Variants in SLC24A2 observed in about 807,000 individuals in gnomAD.
SLC24A2 encodes the protein solute carrier family 24 member 2.
SLC24A2 carries 36 observed loss-of-function variants against 62.0 expected under a neutral mutation model. The ratio of observed to expected loss-of-function variants is 0.58; its 90% CI spans 0.44 to 0.77. The LOEUF (loss-of-function observed/expected upper bound fraction) is 0.77, where lower values mean the gene tolerates loss of function less well. SLC24A2 is among the 30% of genes least tolerant of loss of function. The probability of loss-of-function intolerance (pLI) is 0.00; values close to 1 mark genes in which losing one functional copy is unlikely to be tolerated. For synonymous variants in SLC24A2, 358 were observed against 294.0 expected (o/e 1.22, Z -2.23); for missense variants, 846 against 817.9 (o/e 1.03, Z -0.42).
chr9:19,947,808 A>AAAAAAAAAGAAAGAAAG, the SLC24A2 span, among the ~76,000 whole-genome samples: 1 of 59,226 alleles, frequency 1.7e-5, no homozygotes, highest in African/African-American at 8.0e-5. Flanking sequence ...AAAAAAAAAA[A>AAAAAAAAAGAAAGAAAG]AAAGAAAGAA....
At chr9:20,158,895 A>C in the SLC24A2 span, among the ~76,000 whole-genome samples, 1 of 151,712 alleles carries the variant, frequency 6.6e-6, no homozygotes, top group African/African-American at 2.4e-5. Flanking sequence ...GGGAAAACTG[A>C]ATTAGAAATA....
chr9:20,048,256 G>A, the SLC24A2 span, among the ~76,000 whole-genome samples: 1 of 152,144 alleles, frequency 6.6e-6, no homozygotes, highest in Admixed American at 6.5e-5. Flanking sequence ...GTAAATAGTT[G>A]TTGACATTAA....
chr9:19,800,661 T>C, the SLC24A2 span, among the ~76,000 whole-genome samples: 1 of 151,402 alleles, frequency 6.6e-6, no homozygotes, highest in Non-Finnish European at 1.5e-5. Flanking sequence ...AAAGACTACC[T>C]TTTTTTTTCA....
chr9:19,589,328 A>C (rs1587002215), intron 5 of SLC24A2, among the ~76,000 whole-genome samples: 1 of 152,378 alleles, frequency 6.6e-6, no homozygotes, highest in African/African-American at 2.4e-5. Flanking sequence ...GCTGATGTGG[A>C]AAGATCTCCA....
At chr9:20,229,811 T>C in the SLC24A2 span, among the ~76,000 whole-genome samples, 25,944 of 151,764 alleles carry the variant, frequency 0.17, 3,083 homozygotes, top group African/African-American at 0.34. Flanking sequence ...TGTACATGTG[T>C]CATGTTGGTA....
chr9:20,229,645 C>T, the SLC24A2 span, among the ~76,000 whole-genome samples: 2 of 152,038 alleles, frequency 1.3e-5, no homozygotes, highest in African/African-American at 4.8e-5. Context: ...ATCACAGGCT[C>T]TCATTATACT....
the SLC24A2 span, among the ~76,000 whole-genome samples, chr9:20,007,801 A>G: frequency 6.7e-6 from 1 of 148,732 alleles, no homozygotes; most frequent in Non-Finnish European, 1.5e-5. Flanking sequence ...CTTCTGCAGC[A>G]CAAGCTTGAT....
chr9:19,770,962 G>A (rs1020752409), intron 2 of SLC24A2, among the ~76,000 whole-genome samples: 43 of 152,150 alleles, frequency 2.8e-4, no homozygotes, highest in Non-Finnish European at 4.4e-5. Flanking sequence ...TTCAACTCCA[G>A]AAGATTCATC....
chr9:19,681,758 C>T (rs192449457), intron 2 of SLC24A2, among the ~76,000 whole-genome samples: 3 of 152,278 alleles, frequency 2.0e-5, no homozygotes, highest in African/African-American at 7.2e-5. Context: ...CATTAGCAGG[C>T]TTGGCTGTCA....
At chr9:20,251,057 T>C in the SLC24A2 span, among the ~76,000 whole-genome samples, 2 of 152,242 alleles carry the variant, frequency 1.3e-5, no homozygotes, top group Non-Finnish European at 2.9e-5. Flanking sequence ...ATTTAGTCTC[T>C]GCTGGACTCA....
the SLC24A2 span, among the ~76,000 whole-genome samples, chr9:20,091,520 A>G: frequency 6.6e-6 from 1 of 152,154 alleles, no homozygotes; most frequent in Non-Finnish European, 1.5e-5. Context: ...AAACCCTACA[A>G]GCCAGAAGAG....
the SLC24A2 span, among the ~76,000 whole-genome samples, chr9:19,901,810 C>G: frequency 4.0e-5 from 6 of 151,684 alleles, no homozygotes; most frequent in Non-Finnish European, 5.9e-5. Context: ...AGATAAGTCT[C>G]TTATCTAGCC....
chr9:19,849,180 G>A, the SLC24A2 span, among the ~76,000 whole-genome samples: 2 of 152,104 alleles, frequency 1.3e-5, no homozygotes, highest in East Asian at 1.9e-4. Context: ...TCTGCTCTGC[G>A]TTTGGGGATT....
chr9:19,513,178 A>ATATATATATATATG lies in SLC24A2; in HGVS notation c.*2961_*2974dup, dbSNP rs1563921328. ...GATATATATATATATATATATATGT[A>ATATATATATATATG]TATATATATATATGTATATATTTAT... is the stretch of plus-strand genomic sequence containing the variant. On this transcript the variant is annotated 3_prime_UTR_variant, in exon 11 of 11. Transcript: ENST00000341998. 2 of 108,216 alleles carry ATATATATATATATG rather than the reference A, an allele frequency of 1.8e-5. No homozygotes were observed. The highest frequency in any genetic ancestry group is 3.7e-5 in the African/African-American group (1 of 26,950). 6.7% of individuals were successfully genotyped at this position (108,216 alleles called of 1,614,324 possible). A position where few individuals can be genotyped will look rare whatever the true frequency, so the allele number is the denominator to read the frequency against.
In SLC24A2 at chr9:19,520,889, C is replaced by T; in HGVS notation, c.1736+5G>A. The T allele has an allele frequency of 1.2e-6, 2 of 1,613,706 alleles. No individual in the cohort carries two copies. The highest frequency in any genetic ancestry group is 1.1e-5 in the South Asian group (1 of 91,056). The stretch of plus-strand genomic sequence containing the variant: ...GCACACCTTTGTAGAACTACCTCTA[C>T]TCACCCTACAGTGATGTCAAAAATG... On this transcript the variant is annotated splice_donor_5th_base_variant and intron_variant, in intron 10 of 10. Transcript: ENST00000341998.
chr9:19,874,996 CAA>C, the SLC24A2 span, among the ~76,000 whole-genome samples: 650 of 96,710 alleles, frequency 6.7e-3, 6 homozygotes, highest in African/African-American at 0.022. Flanking sequence ...TCCAGAATTA[CAA>C]AAAAAAAAAA....
the SLC24A2 span, among the ~76,000 whole-genome samples, chr9:20,078,740 C>T: frequency 1.3e-5 from 2 of 152,094 alleles, no homozygotes; most frequent in South Asian, 2.1e-4. Flanking sequence ...TCCAGGTTGC[C>T]GTAACCTAAA....
At chr9:20,079,714 T>C in the SLC24A2 span, among the ~76,000 whole-genome samples, 3 of 152,244 alleles carry the variant, frequency 2.0e-5, no homozygotes, top group Admixed American at 2.0e-4. Flanking sequence ...AGTTCACTCA[T>C]GATTTGGCTC....
At chr9:20,226,129 GTTGT>G in the SLC24A2 span, among the ~76,000 whole-genome samples, 3 of 152,106 alleles carry the variant, frequency 2.0e-5, no homozygotes, top group African/African-American at 7.2e-5. Flanking sequence ...CTAGCTGTGG[GTTGT>G]TTCTTTTTTT....
Sources: gnomAD v4.1 joint callset for allele counts (sites outside exome capture counted in the v4.1 genomes callset) on GRCh38, gnomAD v4.1.1 for gene constraint, MANE v1.5 for transcripts, NCBI Gene and HGNC (gene_info 2026-07-23, HGNC 2026-07-21) for gene names.